GRIK1: variants seen among roughly 807,000 people sequenced by gnomAD.
GRIK1 encodes the protein glutamate ionotropic receptor kainate type subunit 1.
Under a neutral mutation model 105.7 loss-of-function variants are expected in GRIK1, and 69 were observed. That is an observed-to-expected ratio of 0.65 (90% CI 0.54 to 0.80). The LOEUF (loss-of-function observed/expected upper bound fraction) is 0.80, where lower values mean the gene tolerates loss of function less well. Among genes scored for constraint, GRIK1 ranks in the 30% least tolerant of loss-of-function variants. The probability of loss-of-function intolerance (pLI) is 0.00; values close to 1 mark genes in which losing one functional copy is unlikely to be tolerated. For missense variants in GRIK1, 1,109 were observed against 1,167.3 expected (o/e 0.95, Z 0.73); for synonymous variants, 438 against 431.3 (o/e 1.02, Z -0.19).
intron 1 of GRIK1, among the ~76,000 whole-genome samples, chr21:29,732,820 A>G (rs17772700): frequency 0.032 from 4,918 of 152,242 alleles, 127 homozygotes; most frequent in Non-Finnish European, 0.045. Context: ...ATATTCCTTT[A>G]ACTACATCCT....
chr21:29,634,111 C>G (rs1450551507), intron 7 of GRIK1, among the ~76,000 whole-genome samples: 1 of 152,102 alleles, frequency 6.6e-6, no homozygotes, highest in Non-Finnish European at 1.5e-5. Flanking sequence ...ATCAGCCAAC[C>G]AACCAACCAA....
At chr21:29,867,543 C>T (rs182542023) in intron 1 of GRIK1, among the ~76,000 whole-genome samples, 1 of 151,964 alleles carries the variant, frequency 6.6e-6, no homozygotes, top group Admixed American at 6.6e-5. Context: ...GCCTGTAATC[C>T]CAGCACTTTG....
chr21:29,863,773 A>C (rs1200338858), intron 1 of GRIK1, among the ~76,000 whole-genome samples: 1 of 152,092 alleles, frequency 6.6e-6, no homozygotes, highest in African/African-American at 2.4e-5. Flanking sequence ...GTTTTTGCGC[A>C]GCCCTGTGTT....
At chr21:29,848,632 C>T (rs2068202239) in intron 1 of GRIK1, among the ~76,000 whole-genome samples, 1 of 151,616 alleles carries the variant, frequency 6.6e-6, no homozygotes, top group Admixed American at 6.6e-5. Context: ...TAGATGTATT[C>T]TCTCTTTCTT....
chr21:29,786,499 A>C (rs1469862657), intron 1 of GRIK1, among the ~76,000 whole-genome samples: 1 of 152,112 alleles, frequency 6.6e-6, no homozygotes, highest in African/African-American at 2.4e-5. Flanking sequence ...AAATTCTATT[A>C]CTGTAGTTAT....
chr21:29,925,519 G>T (rs976188148), intron 1 of GRIK1, among the ~76,000 whole-genome samples: 14 of 152,136 alleles, frequency 9.2e-5, no homozygotes, highest in Non-Finnish European at 1.8e-4. Flanking sequence ...GACAGAGAGG[G>T]TGTGAATACA....
chr21:29,914,539 A>G (rs577444094), intron 1 of GRIK1, among the ~76,000 whole-genome samples: 1 of 152,100 alleles, frequency 6.6e-6, no homozygotes. Flanking sequence ...TGCTATGCCA[A>G]TCCTGACCTA....
Position 29,924,206 on chromosome 21 carries a change from C to T in GRIK1, c.118+15177G>A, listed in dbSNP as rs1385900755. Among the ~76,000 whole-genome samples, 8 of 151,668 alleles carry T rather than the reference C, an allele frequency of 5.3e-5. No homozygotes were observed. In the East Asian group the frequency reaches 7.8e-4, roughly 15 times the overall value. ...TACAAAAATTAGCCAGGCGTGGTGG[C>T]GGGCGCCTGTAATCCCAGCTACTCA... On this transcript the variant is annotated intron_variant, in intron 1 of 17. Transcript: ENST00000327783.
intron 1 of GRIK1, among the ~76,000 whole-genome samples, chr21:29,735,316 C>T (rs2064761936): frequency 6.6e-6 from 1 of 152,148 alleles, no homozygotes; most frequent in African/African-American, 2.4e-5. Flanking sequence ...GAGGGTGGTT[C>T]AGTGGCAAGA....
intron 1 of GRIK1, among the ~76,000 whole-genome samples, chr21:29,827,974 G>GGT (rs1569136953): frequency 1.8e-5 from 2 of 111,306 alleles, no homozygotes; most frequent in African/African-American, 6.2e-5. Context: ...ATATAGTTAG[G>GGT]ATCTCTCTCT....
Position 29,588,819 on chromosome 21 carries a change from T to A in GRIK1, c.1569+20A>T. On this transcript the variant is annotated intron_variant, in intron 11 of 17. Transcript: ENST00000327783. ...TCTCTTATGCATATTTTCAGATATG[T>A]TAGAAATATTGTTACTTACGTGATC... 1.6e-6 allele frequency: 2 copies of A among 1,271,764 alleles called. No individual in the cohort carries two copies. The highest frequency in any genetic ancestry group is 2.3e-6 in the Non-Finnish European group (2 of 873,124). 78.8% of individuals were successfully genotyped at this position (1,271,764 alleles called of 1,614,324 possible).
chr21:29,807,082 A>G (rs1252652379), intron 1 of GRIK1, among the ~76,000 whole-genome samples: 1 of 152,186 alleles, frequency 6.6e-6, no homozygotes, highest in Non-Finnish European at 1.5e-5. Context: ...GCATTTCAGC[A>G]GGGTTTGAAC....
intron 6 of GRIK1, among the ~76,000 whole-genome samples, chr21:29,648,398 C>A (rs1480731238): frequency 6.6e-6 from 1 of 152,152 alleles, no homozygotes; most frequent in Non-Finnish European, 1.5e-5. Flanking sequence ...TAATCATGCA[C>A]ATTCACATAT....
intron 1 of GRIK1, among the ~76,000 whole-genome samples, chr21:29,881,756 C>T (rs1484007171): frequency 6.6e-6 from 1 of 152,146 alleles, no homozygotes; most frequent in Non-Finnish European, 1.5e-5. Flanking sequence ...AGTACTCTTA[C>T]ATGTGTTGGA....
At chr21:29,899,079 C>A (rs1259751344) in intron 1 of GRIK1, among the ~76,000 whole-genome samples, 2 of 152,116 alleles carry the variant, frequency 1.3e-5, no homozygotes, top group Non-Finnish European at 2.9e-5. Flanking sequence ...CAGTTTTTAA[C>A]TGGCCTTCTT....
In GRIK1 at chr21:29,673,171, A is replaced by G; in HGVS notation, c.545-7T>C. The G allele has an allele frequency of 6.3e-7, 1 of 1,582,080 alleles. No homozygotes were observed. Among genetic ancestry groups the G allele is most frequent in the Non-Finnish European group, 8.7e-7 (1 of 1,152,938 alleles). On this transcript the variant is annotated splice_polypyrimidine_tract_variant and splice_region_variant and intron_variant, in intron 3 of 17. Coordinates refer to ENST00000327783, the MANE Select transcript of GRIK1 (RefSeq NM_001330994.2). ...TCTTGTAGACGAATTAGACCTAGAA[A>G]ATGACATGCAATCATGCAATGGAGA... is the stretch of plus-strand genomic sequence containing the variant.
At chr21:29,570,926 A>G (rs1380669169) in intron 14 of GRIK1, among the ~76,000 whole-genome samples, 1 of 148,550 alleles carries the variant, frequency 6.7e-6, no homozygotes, top group East Asian at 2.1e-4. Context: ...AATTGAATTT[A>G]TGATTTAATC....
At chr21:29,721,019 T>C (rs2064307654) in intron 1 of GRIK1, among the ~76,000 whole-genome samples, 1 of 151,648 alleles carries the variant, frequency 6.6e-6, no homozygotes, top group Non-Finnish European at 1.5e-5. Flanking sequence ...TCTCAGGCTA[T>C]CACCTATTCT....
chr21:29,586,691 C>T (rs1568851446), intron 12 of GRIK1, among the ~76,000 whole-genome samples: 1 of 152,070 alleles, frequency 6.6e-6, no homozygotes, highest in Non-Finnish European at 1.5e-5. Context: ...GTATAAAAAT[C>T]CTTTAAGGAA....
Sources: allele counts gnomAD v4.1 joint callset (sites outside exome capture counted in the v4.1 genomes callset), GRCh38; gene constraint gnomAD v4.1.1; transcripts MANE v1.5; gene names NCBI Gene and HGNC (gene_info 2026-07-23, HGNC 2026-07-21).